NOTCH2: variants seen among roughly 807,000 people sequenced by gnomAD.
NOTCH2 encodes the protein neurogenic locus notch homolog protein 2.
In NOTCH2, 29 loss-of-function variants were observed where a neutral mutation model predicts 235.8. The observed-to-expected ratio is 0.12, with a 90% CI of 0.09 to 0.17. The LOEUF (loss-of-function observed/expected upper bound fraction) is 0.17. Among genes scored for constraint, NOTCH2 ranks in the 10% least tolerant of loss-of-function variants. The pLI is 1.00. For synonymous variants in NOTCH2, 1,086 were observed against 1,141.5 expected (o/e 0.95, Z 0.98); for missense variants, 2,285 against 3,150.2 (o/e 0.73, Z 6.57).
At chr1:120,009,827 C>A (rs200700686) in intron 2 of NOTCH2, among the ~76,000 whole-genome samples, 2 of 149,858 alleles carry the variant, frequency 1.3e-5, no homozygotes, top group Non-Finnish European at 3.0e-5. Flanking sequence ...TCTTCCCCAT[C>A]TATTATGGCC....
At chr1:119,964,056 T>C (rs1553199357) in intron 10 of NOTCH2, among the ~76,000 whole-genome samples, 2 of 152,356 alleles carry the variant, frequency 1.3e-5, no homozygotes, top group East Asian at 1.9e-4. Flanking sequence ...AATAATTTCA[T>C]TGCAGAGATG....
At chr1:120,025,004 GTTTT>G (rs144108943) in intron 2 of NOTCH2, among the ~76,000 whole-genome samples, 1 of 147,956 alleles carries the variant, frequency 6.8e-6, no homozygotes, top group African/African-American at 2.5e-5. Flanking sequence ...TTACAGTTTT[GTTTT>G]TTTTTTTATC....
chr1:119,920,429 C>T (rs774239225), intron 29 of NOTCH2, 32 bp from the exon 30 acceptor site: 5 of 1,613,374 alleles, frequency 3.1e-6, no homozygotes, highest in Non-Finnish European at 4.2e-6. Context: ...CCCTATCAAT[C>T]TGGCCACCAC....
chr1:119,988,248 T>C (rs1170863265), intron 4 of NOTCH2, among the ~76,000 whole-genome samples: 1 of 152,182 alleles, frequency 6.6e-6, no homozygotes, highest in Non-Finnish European at 1.5e-5. Context: ...ACATCTGCTC[T>C]GCTACACTGG....
At position 119,914,256 on chromosome 1, in the gene NOTCH2, A is replaced by C. The variant is rs1215646980; in HGVS notation, c.*1050T>G. 2 of 233,188 alleles carry C rather than the reference A, an allele frequency of 8.6e-6. No homozygotes were observed. The highest frequency in any genetic ancestry group is 1.7e-5 in the Non-Finnish European group (2 of 118,056). The allele number at this position is 233,188 out of a possible 1,614,324, so 14.4% of individuals were successfully genotyped here. ...GATCTGGGACAAATGTGTTCCATAC[A>C]GGCAGTCAATGGAATGCTTGGCAGG... On this transcript the variant is annotated 3_prime_UTR_variant, in exon 34 of 34. Transcript: ENST00000256646.
intron 2 of NOTCH2, among the ~76,000 whole-genome samples, chr1:120,006,940 G>A (rs113301448): frequency 1.4e-4 from 21 of 152,334 alleles, no homozygotes; most frequent in African/African-American, 4.6e-4. Context: ...GGCCAGATAC[G>A]AGGGAACTAA....
chr1:120,028,353 C>G (rs1169218565), intron 2 of NOTCH2, among the ~76,000 whole-genome samples: 1 of 145,032 alleles, frequency 6.9e-6, no homozygotes, highest in East Asian at 2.1e-4. Flanking sequence ...AAAGACTAAA[C>G]AAGATTTCAG....
At position 119,919,470 on chromosome 1, in the gene NOTCH2, G is replaced by T. The variant is rs755328078; in HGVS notation, c.5623C>A (p.Arg1875=). 6.2e-7 allele frequency: 1 copy of T among 1,613,808 alleles called. No homozygotes were observed. Among genetic ancestry groups the T allele is most frequent in the Non-Finnish European group, 8.5e-7 (1 of 1,180,032 alleles). The change falls in exon 31 of 34, where the codon CGG becomes AGG. Residue 1875 remains arginine (R), a synonymous_variant. Transcript: ENST00000256646. ...QGASLQAQTD[R]TGEMALHLAA... ...AGGTGCAGGGCCATCTCACCAGTCC[G>T]GTCTGTCTGGGCCTGGAGGCTGGCA...
chr1:119,935,747 ACT>A, intron 21 of NOTCH2, 143 bp from the exon 22 acceptor site: 1 of 880,090 alleles, frequency 1.1e-6, no homozygotes. Flanking sequence ...GAACCATCAC[ACT>A]CTCTGCTAAT....
In NOTCH2 at chr1:119,913,588, C is replaced by A. The variant is rs1648961836; in HGVS notation, c.*1718G>T. 4.3e-6 allele frequency: 1 copy of A among 233,158 alleles called. No homozygotes were observed. The highest frequency in any genetic ancestry group is 2.2e-5 in the African/African-American group (1 of 45,334). 14.4% of individuals were successfully genotyped at this position (233,158 alleles called of 1,614,324 possible). On this transcript the variant is annotated 3_prime_UTR_variant, in exon 34 of 34. Transcript: ENST00000256646. ...CAAGGAGAAGAGGAAGAAAACTATT[C>A]TTTATCTACAATTAACTAAAATGCT...
chr1:119,943,910 T>A (rs1650160111), intron 17 of NOTCH2, among the ~76,000 whole-genome samples: 1 of 151,652 alleles, frequency 6.6e-6, no homozygotes, highest in African/African-American at 2.4e-5. Context: ...CTTCCACATA[T>A]AAAAACATAA....
intron 14 of NOTCH2, among the ~76,000 whole-genome samples, chr1:119,951,229 G>A (rs1410451577): frequency 2.0e-5 from 3 of 152,124 alleles, no homozygotes; most frequent in Non-Finnish European, 4.4e-5. Flanking sequence ...ATGGCTCACT[G>A]CAGCCTCGAC....
In NOTCH2 at chr1:119,967,756, T is replaced by C. The variant is rs1254623962; in HGVS notation, c.1265-135A>G. The C allele has an allele frequency of 1.7e-5, 14 of 826,972 alleles. No individual in the cohort carries two copies. The East Asian group carries it at 3.4e-4, about 20-fold the overall frequency. 51.2% of individuals were successfully genotyped at this position (826,972 alleles called of 1,614,324 possible). A position where few individuals can be genotyped will look rare whatever the true frequency, so the allele number is the denominator to read the frequency against. ...TATCATTCCCAATTTTCTATTTTTT[T>C]TTCCTTAATTTAAAAAGAAATAAAA... On this transcript the variant is annotated intron_variant, in intron 7 of 33. Coordinates refer to ENST00000256646, the MANE Select transcript of NOTCH2 (RefSeq NM_024408.4).
chr1:119,998,020 A>G (rs1215296212), intron 3 of NOTCH2, among the ~76,000 whole-genome samples: 1 of 145,596 alleles, frequency 6.9e-6, no homozygotes, highest in African/African-American at 2.5e-5. Flanking sequence ...TTCCTAGTGA[A>G]CTCTCCCTAT....
intron 6 of NOTCH2, among the ~76,000 whole-genome samples, chr1:119,969,275 T>G (rs908837812): frequency 5.9e-5 from 9 of 152,220 alleles, no homozygotes; most frequent in Non-Finnish European, 7.3e-5. Context: ...CTAACTTTCC[T>G]TTTTTGGAAT....
At chr1:119,957,874 AC>A (rs1650766716) in intron 12 of NOTCH2, among the ~76,000 whole-genome samples, 1 of 150,158 alleles carries the variant, frequency 6.7e-6, no homozygotes, top group East Asian at 2.0e-4. Context: ...ACACACACAC[AC>A]ACACACACAA....
chr1:120,042,529 A>G (rs1654618408), intron 1 of NOTCH2, among the ~76,000 whole-genome samples: 1 of 133,256 alleles, frequency 7.5e-6, no homozygotes, highest in African/African-American at 3.6e-5. Flanking sequence ...CATCACATTA[A>G]CAAGATGAAG....
rs1286124918 is a variant in NOTCH2, at chr1:119,925,569, G to C, written c.4247C>G (p.Ala1416Gly). 1.2e-6 allele frequency: 2 copies of C among 1,614,020 alleles called. No homozygotes were observed. The highest frequency in any genetic ancestry group is 1.3e-5 in the African/African-American group (1 of 74,920). Residue 1416 changes from alanine to glycine, a missense_variant, in exon 25 of 34, where the codon GCA becomes GGA. By Grantham distance (60) the Ala-to-Gly change is moderately conservative (BLOSUM62 0). This residue lies in a region of NOTCH2 where 1,173 missense variants were observed against 1,515.3 expected (regional missense o/e 0.77). Transcript: ENST00000256646. Reference protein sequence around the residue: ...FSGSRCELYTAPPSTPPATCL... With the variant: ...FSGSRCELYTGPPSTPPATCL... Reference sequence around the variant, plus strand: ...GGTGGCAGGAGGGGTGCTGGGGGGTGCCGTGTAGAGTTCACAGCGGCTACC... The same window carrying C: ...GGTGGCAGGAGGGGTGCTGGGGGGTCCCGTGTAGAGTTCACAGCGGCTACC...
At chr1:120,003,203 T>TC (rs1235979337) in intron 3 of NOTCH2, among the ~76,000 whole-genome samples, 2 of 152,180 alleles carry the variant, frequency 1.3e-5, no homozygotes, top group African/African-American at 4.8e-5. Context: ...TACATCTTTT[T>TC]CCCGTGCTGG....
Sources: allele counts gnomAD v4.1 joint callset (sites outside exome capture counted in the v4.1 genomes callset), GRCh38; gene constraint gnomAD v4.1.1; regional missense constraint gnomAD v4.1.1; transcripts MANE v1.5; gene names NCBI Gene and HGNC (gene_info 2026-07-23, HGNC 2026-07-21).